FOXN3: variants seen among roughly 807,000 people sequenced by gnomAD.
FOXN3 encodes forkhead box protein N3.
In FOXN3, 7 loss-of-function variants were observed where a neutral mutation model predicts 38.4. That is an observed-to-expected ratio of 0.18 (90% CI 0.10 to 0.34). The LOEUF is 0.34. FOXN3 is among the 10% of genes least tolerant of loss of function. The probability of loss-of-function intolerance (pLI) is 1.00; values close to 1 mark genes in which losing one functional copy is unlikely to be tolerated. For synonymous variants in FOXN3, 230 were observed against 242.2 expected, an observed-to-expected ratio of 0.95 and a Z score of 0.47; for missense variants, 456 against 613.4, an observed-to-expected ratio of 0.74 and a Z score of 2.71.
chr14:89,491,009 T>C (rs1389732570), intron 1 of FOXN3, among the ~76,000 whole-genome samples: 2 of 152,248 alleles, frequency 1.3e-5, no homozygotes, highest in Admixed American at 6.5e-5. Context: ...CGTTTCACCC[T>C]TGTGGCCCAG....
chr14:89,322,135 C>A (rs1271316946), intron 3 of FOXN3, among the ~76,000 whole-genome samples: 1 of 152,226 alleles, frequency 6.6e-6, no homozygotes, highest in Non-Finnish European at 1.5e-5. Flanking sequence ...CTGGGAGGGG[C>A]AGCATGCCAG....
chr14:89,353,966 T>C (rs890207108), intron 2 of FOXN3, among the ~76,000 whole-genome samples: 4 of 151,818 alleles, frequency 2.6e-5, no homozygotes, highest in African/African-American at 9.7e-5. Context: ...TCCTGCATTT[T>C]CAAGCATTTT....
chr14:89,384,697 C>T (rs1388590174), intron 2 of FOXN3, among the ~76,000 whole-genome samples: 4 of 151,702 alleles, frequency 2.6e-5, no homozygotes, highest in Non-Finnish European at 5.9e-5. Flanking sequence ...AAAAATAAGC[C>T]CTGTCTTATG....
At chr14:89,475,546 T>G (rs929055562) in intron 1 of FOXN3, among the ~76,000 whole-genome samples, 1 of 152,156 alleles carries the variant, frequency 6.6e-6, no homozygotes, top group Non-Finnish European at 1.5e-5. Context: ...CCCCAGCTAC[T>G]TGGGAGGCTG....
At chr14:89,602,306 C>A (rs913064439) in intron 1 of FOXN3, among the ~76,000 whole-genome samples, 2 of 149,708 alleles carry the variant, frequency 1.3e-5, no homozygotes, top group South Asian at 2.1e-4. Flanking sequence ...AAAACACATG[C>A]GAAAGAAAAA....
chr14:89,180,927 G>GAC (rs1282992327), intron 4 of FOXN3, 121 bp from the exon 5 acceptor site: 2 of 629,482 alleles, frequency 3.2e-6, no homozygotes, highest in African/African-American at 2.0e-5. Context: ...CAGAGACAGA[G>GAC]AGAAACACAC....
At chr14:89,214,805 T>C (rs916356991) in intron 4 of FOXN3, among the ~76,000 whole-genome samples, 1 of 152,238 alleles carries the variant, frequency 6.6e-6, no homozygotes, top group Non-Finnish European at 1.5e-5. Flanking sequence ...GCAGAGTATT[T>C]TCTTGAAAGA....
chr14:89,433,005 A>G (rs777045497), intron 1 of FOXN3, among the ~76,000 whole-genome samples: 1 of 152,180 alleles, frequency 6.6e-6, no homozygotes, highest in Non-Finnish European at 1.5e-5. Flanking sequence ...TTCAAGGGCT[A>G]CTAATCATAG....
chr14:89,426,210 T>G (rs1892022901), intron 1 of FOXN3, among the ~76,000 whole-genome samples: 1 of 135,450 alleles, frequency 7.4e-6, no homozygotes, highest in South Asian at 2.4e-4. Flanking sequence ...GCACCAGGAG[T>G]ACTGATTTTT....
intron 3 of FOXN3, among the ~76,000 whole-genome samples, chr14:89,313,441 C>G (rs1411543373): frequency 6.6e-6 from 1 of 152,058 alleles, no homozygotes; most frequent in African/African-American, 2.4e-5. Flanking sequence ...GCCCGTAATC[C>G]CAGCTATTCG....
intron 1 of FOXN3, among the ~76,000 whole-genome samples, chr14:89,521,358 TAGAGAGAGAGAG>T (rs199686142): frequency 2.4e-5 from 3 of 124,968 alleles, no homozygotes; most frequent in Non-Finnish European, 5.5e-5. Flanking sequence ...AGATGATAGA[TAGAGAGAGAGAG>T]AGAGAGAGAG....
chr14:89,218,984 T>C (rs1884371220), intron 4 of FOXN3, among the ~76,000 whole-genome samples: 2 of 152,260 alleles, frequency 1.3e-5, no homozygotes, highest in Admixed American at 6.5e-5. Flanking sequence ...AGCTCATTTA[T>C]TCTTATTTTC....
chr14:89,259,244 G>C (rs949891115), intron 4 of FOXN3, among the ~76,000 whole-genome samples: 2 of 152,256 alleles, frequency 1.3e-5, no homozygotes, highest in Non-Finnish European at 2.9e-5. Flanking sequence ...GCGTCTTGCT[G>C]TATGACTGAT....
At chr14:89,509,348 GTTTT>G (rs751259523) in intron 1 of FOXN3, among the ~76,000 whole-genome samples, 3 of 142,038 alleles carry the variant, frequency 2.1e-5, no homozygotes, top group Non-Finnish European at 4.8e-5. Context: ...TTGTTTGTTT[GTTTT>G]AAGATGGAGT....
At chr14:89,357,490 C>A (rs1889278745) in intron 2 of FOXN3, among the ~76,000 whole-genome samples, 1 of 152,052 alleles carries the variant, frequency 6.6e-6, no homozygotes, top group Non-Finnish European at 1.5e-5. Context: ...CACCTGTAAT[C>A]CCAGCTACTT....
At chr14:89,324,131 T>G (rs1887974391) in intron 3 of FOXN3, among the ~76,000 whole-genome samples, 1 of 152,166 alleles carries the variant, frequency 6.6e-6, no homozygotes. Flanking sequence ...TAATTAAACA[T>G]ATAGTCCAAT....
rs148878745 is a variant in FOXN3, at chr14:89,390,018, G to T, written c.543+21916C>A. 2.6e-3 allele frequency among the ~76,000 whole-genome samples: 395 copies of T among 151,990 alleles called. 3 individuals are homozygous for T. Among genetic ancestry groups the T allele is most frequent in the African/African-American group, 8.9e-3 (369 of 41,466 alleles). On this transcript the variant is annotated intron_variant, in intron 2 of 5. Transcript: ENST00000557258. The stretch of plus-strand genomic sequence containing the variant: ...GCAGATCACATGCACTCAGGAGTTC[G>T]AGACCAGCCTGGGCAACACAGTGAG...
intron 4 of FOXN3, among the ~76,000 whole-genome samples, chr14:89,206,343 T>C (rs1406770098): frequency 6.6e-6 from 1 of 152,220 alleles, no homozygotes; most frequent in African/African-American, 2.4e-5. Flanking sequence ...TTGTGGATGC[T>C]GCGTATTCAT....
At chr14:89,207,641 G>A (rs577940242) in intron 4 of FOXN3, among the ~76,000 whole-genome samples, 1 of 152,054 alleles carries the variant, frequency 6.6e-6, no homozygotes, top group African/African-American at 2.4e-5. Flanking sequence ...AGTATACAAG[G>A]GTTCATGATT....
Sources: gnomAD v4.1 joint callset for allele counts (sites outside exome capture counted in the v4.1 genomes callset) on GRCh38, gnomAD v4.1.1 for gene constraint, MANE v1.5 for transcripts, NCBI Gene and HGNC (gene_info 2026-07-23, HGNC 2026-07-21) for gene names.